The following ADAMTS3 variants were observed in gnomAD, a reference collection of about 807,000 sequenced individuals.
The protein encoded by ADAMTS3 is ADAM metallopeptidase with thrombospondin type 1 motif 3.
A neutral mutation model predicts 129.0 loss-of-function variants in ADAMTS3; 73 were observed. That is an observed-to-expected ratio of 0.57 (90% CI 0.47 to 0.69). The LOEUF is 0.69. Among genes scored for constraint, ADAMTS3 ranks in the 30% least tolerant of loss-of-function variants. The probability of loss-of-function intolerance (pLI) is 0.00; values close to 1 mark genes in which losing one functional copy is unlikely to be tolerated. For missense variants in ADAMTS3, 1,457 were observed against 1,514.5 expected, an observed-to-expected ratio of 0.96 and a Z score of 0.63; for synonymous variants, 477 against 510.8, an observed-to-expected ratio of 0.93 and a Z score of 0.89.
intron 3 of ADAMTS3, among the ~76,000 whole-genome samples, chr4:72,536,607 T>C: frequency 6.6e-6 from 1 of 152,158 alleles, no homozygotes; most frequent in East Asian, 1.9e-4. Context: ...TACTTCCCCA[T>C]TTTACTGAAG....
At chr4:72,567,729 C>G (rs1722053511) in intron 1 of ADAMTS3, among the ~76,000 whole-genome samples, 1 of 152,152 alleles carries the variant, frequency 6.6e-6, no homozygotes, top group Admixed American at 6.5e-5. Context: ...TTTAACAGGC[C>G]AAAATACACC....
chr4:72,388,587 C>CA (rs1222898985), intron 4 of ADAMTS3, among the ~76,000 whole-genome samples: 4 of 152,154 alleles, frequency 2.6e-5, no homozygotes, highest in African/African-American at 9.7e-5. Context: ...GGACTATGAA[C>CA]ATTAGAAAAA....
At position 72,318,639 on chromosome 4, in the gene ADAMTS3, C is replaced by T; in HGVS notation, c.1418G>A (p.Gly473Glu). The change falls in exon 10 of 22, where the codon GGA becomes GAA. Residue 473 changes from glycine to glutamate, a missense_variant. Physicochemically the swap from Gly to Glu is moderately conservative, Grantham distance 98 (BLOSUM62 -2). Coordinates refer to ENST00000286657, the MANE Select transcript of ADAMTS3 (RefSeq NM_014243.3). ...HDWPKLPELP[G>E]INYSMDEQCR... ...TTGCTCATCCATAGAATAATTGATTCCAGGAAGTTCTGGGAGTTTAGGCCA... is the reference window on the plus strand; with the variant it reads ...TTGCTCATCCATAGAATAATTGATTTCAGGAAGTTCTGGGAGTTTAGGCCA... 1 of 1,613,706 alleles carries T rather than the reference C, an allele frequency of 6.2e-7. No individual in the cohort carries two copies. Among genetic ancestry groups the T allele is most frequent in the Non-Finnish European group, 8.5e-7 (1 of 1,179,846 alleles).
chr4:72,497,494 A>G (rs1480103099), intron 3 of ADAMTS3, among the ~76,000 whole-genome samples: 4 of 151,686 alleles, frequency 2.6e-5, no homozygotes, highest in Admixed American at 6.6e-5. Flanking sequence ...GACATCAAGG[A>G]GAGTCTTTTA....
intron 4 of ADAMTS3, 54 bp from the exon 5 acceptor site, chr4:72,339,747 A>G (rs1192042783): frequency 5.6e-6 from 8 of 1,425,112 alleles, no homozygotes; most frequent in Admixed American, 3.5e-5. Context: ...AGGCCTTCCA[A>G]TCACTTCTTA....
At chr4:72,549,994 GGAAGAGGAA>G (rs1721582457) in intron 2 of ADAMTS3, among the ~76,000 whole-genome samples, 1 of 6,566 alleles carries the variant, frequency 1.5e-4, no homozygotes, top group African/African-American at 6.8e-4. Flanking sequence ...AAGAAGAAGA[GGAAGAGGAA>G]GAAGAAGAAG....
intron 2 of ADAMTS3, among the ~76,000 whole-genome samples, chr4:72,565,060 CTT>C: frequency 6.6e-6 from 1 of 152,284 alleles, no homozygotes; most frequent in Non-Finnish European, 1.5e-5. Flanking sequence ...GGAGCATTCA[CTT>C]TGTGAAAAAT....
intron 3 of ADAMTS3, among the ~76,000 whole-genome samples, chr4:72,437,730 T>C (rs1004641237): frequency 6.6e-6 from 1 of 151,714 alleles, no homozygotes; most frequent in Non-Finnish European, 1.5e-5. Flanking sequence ...TTCAAAGCCA[T>C]GTGGCTTTGA....
At chr4:72,372,394 A>G (rs1346957552) in intron 4 of ADAMTS3, among the ~76,000 whole-genome samples, 1 of 152,082 alleles carries the variant, frequency 6.6e-6, no homozygotes, top group Non-Finnish European at 1.5e-5. Context: ...GAAAAAACCA[A>G]TATTATTACA....
At chr4:72,434,429 T>G (rs1722771235) in intron 3 of ADAMTS3, among the ~76,000 whole-genome samples, 1 of 151,800 alleles carries the variant, frequency 6.6e-6, no homozygotes, top group South Asian at 2.1e-4. Context: ...TTTACTCTTA[T>G]AGAGTAGAAT....
intron 3 of ADAMTS3, among the ~76,000 whole-genome samples, chr4:72,445,300 T>C (rs1438488511): frequency 6.6e-6 from 1 of 151,730 alleles, no homozygotes; most frequent in East Asian, 2.0e-4. Context: ...TGCTCATGTT[T>C]ATAAGCATAA....
intron 5 of ADAMTS3, among the ~76,000 whole-genome samples, chr4:72,336,283 C>T (rs1719986420): frequency 6.6e-6 from 1 of 152,176 alleles, no homozygotes; most frequent in South Asian, 2.1e-4. Flanking sequence ...CTCCAGGACC[C>T]TATCTGACAT....
chr4:72,309,394 T>C lies in ADAMTS3; in HGVS notation c.2179+3A>G. On this transcript the variant is annotated splice_donor_region_variant and intron_variant, in intron 15 of 21. Coordinates refer to ENST00000286657, the MANE Select transcript of ADAMTS3 (RefSeq NM_014243.3). ...ACTAAATCCATGAGAGACCTCATCT[T>C]ACCAAGCTTCCTGGGAGTTCTGGTA... The C allele has an allele frequency of 6.2e-7, 1 of 1,611,464 alleles. No homozygotes were observed. The highest frequency in any genetic ancestry group is 2.2e-5 in the East Asian group (1 of 44,786).
chr4:72,456,879 CA>C (rs1718637409), intron 3 of ADAMTS3, among the ~76,000 whole-genome samples: 1 of 151,490 alleles, frequency 6.6e-6, no homozygotes, highest in African/African-American at 2.4e-5. Flanking sequence ...GGAGGGACTA[CA>C]AAGGATTAAA....
rs146443514 is a variant in ADAMTS3, at chr4:72,490,067, T to G, written c.504+58411A>C. 5.9e-5 allele frequency among the ~76,000 whole-genome samples: 9 copies of G among 151,998 alleles called. No individual in the cohort carries two copies. The East Asian group carries it at 1.7e-3, about 29-fold the overall frequency. Reference sequence around the variant, plus strand: ...CTAGTAGCCATTTCAACAGGTGTGATGCGATATCTCACTGTGAGTTTGATC... The same window carrying G: ...CTAGTAGCCATTTCAACAGGTGTGAGGCGATATCTCACTGTGAGTTTGATC... On this transcript the variant is annotated intron_variant, in intron 3 of 21. Transcript: ENST00000286657.
At chr4:72,323,126 A>C in intron 5 of ADAMTS3, 29 bp from the exon 6 acceptor site, 1 of 1,560,532 alleles carries the variant, frequency 6.4e-7, no homozygotes, top group South Asian at 1.1e-5. Context: ...AATTGCTAAA[A>C]GAAAGGAAAC....
At chr4:72,480,153 T>C (rs1719389350) in intron 3 of ADAMTS3, among the ~76,000 whole-genome samples, 1 of 152,200 alleles carries the variant, frequency 6.6e-6, no homozygotes, top group African/African-American at 2.4e-5. Flanking sequence ...CTCAGGGATC[T>C]AGAACTAGAA....
chr4:72,383,991 T>C (rs1721369904), intron 4 of ADAMTS3, among the ~76,000 whole-genome samples: 2 of 151,474 alleles, frequency 1.3e-5, no homozygotes, highest in African/African-American at 4.9e-5. Flanking sequence ...AAAAATACAA[T>C]ACTGAATACT....
intron 10 of ADAMTS3, among the ~76,000 whole-genome samples, chr4:72,316,619 T>TG (rs1169661796): frequency 6.6e-6 from 1 of 151,832 alleles, no homozygotes; most frequent in Non-Finnish European, 1.5e-5. Flanking sequence ...ACCCAGGATG[T>TG]GGAGGTTGCA....
Sources: gnomAD v4.1 joint callset for allele counts (sites outside exome capture counted in the v4.1 genomes callset) on GRCh38, gnomAD v4.1.1 for gene constraint, MANE v1.5 for transcripts, NCBI Gene and HGNC (gene_info 2026-07-23, HGNC 2026-07-21) for gene names.